The following ME3 variants were observed in gnomAD, a reference collection of about 807,000 sequenced individuals.
ME3 encodes the protein malic enzyme 3.
Under a neutral mutation model 68.9 loss-of-function variants are expected in ME3, and 48 were observed. The ratio of observed to expected loss-of-function variants is 0.70; its 90% CI spans 0.55 to 0.89. The LOEUF is 0.89. ME3 is among the 40% of genes least tolerant of loss of function. ME3 has a pLI of 0.00. For missense variants in ME3, 675 were observed against 797.4 expected, an observed-to-expected ratio of 0.85 and a Z score of 1.85; for synonymous variants, 320 against 318.8, an observed-to-expected ratio of 1.00 and a Z score of -0.04.
chr11:86,645,130 G>A (rs1428766191), intron 2 of ME3, among the ~76,000 whole-genome samples: 2 of 152,200 alleles, frequency 1.3e-5, no homozygotes, highest in Non-Finnish European at 2.9e-5. Flanking sequence ...ACAAAGCCAG[G>A]CAGCCTTTTG....
intron 4 of ME3, among the ~76,000 whole-genome samples, chr11:86,524,376 G>GT (rs912941410): frequency 6.6e-6 from 1 of 152,312 alleles, no homozygotes; most frequent in African/African-American, 2.4e-5. Context: ...CTATCTGCTT[G>GT]TTTTTCCAAA....
At chr11:86,651,325 C>T (rs1945409546) in intron 2 of ME3, among the ~76,000 whole-genome samples, 1 of 152,236 alleles carries the variant, frequency 6.6e-6, no homozygotes, top group African/African-American at 2.4e-5. Flanking sequence ...CCTGAGTAGC[C>T]TAACTGGGAG....
At chr11:86,647,480 A>G (rs7934775) in intron 2 of ME3, among the ~76,000 whole-genome samples, 147,058 of 149,634 alleles carry the variant, frequency 0.98, 72,306 homozygotes, top group Non-Finnish European at 1. Flanking sequence ...GCGAGACTCC[A>G]TCTCAAAAAA....
chr11:86,543,085 T>C (rs899693930), intron 4 of ME3, among the ~76,000 whole-genome samples: 1 of 152,174 alleles, frequency 6.6e-6, no homozygotes, highest in African/African-American at 2.4e-5. Context: ...AATAAAATCC[T>C]TTACAGACAA....
At chr11:86,598,860 G>A (rs1960059362) in intron 2 of ME3, among the ~76,000 whole-genome samples, 1 of 152,178 alleles carries the variant, frequency 6.6e-6, no homozygotes, top group South Asian at 2.1e-4. Flanking sequence ...TGGACCTCTA[G>A]CAAACTCCAA....
At chr11:86,540,467 G>T (rs1010048606) in intron 4 of ME3, among the ~76,000 whole-genome samples, 1 of 152,128 alleles carries the variant, frequency 6.6e-6, no homozygotes, top group Admixed American at 6.5e-5. Flanking sequence ...GTGGATAGGG[G>T]TTTGGTATGA....
chr11:86,548,052 C>T (rs1451678461), intron 4 of ME3, among the ~76,000 whole-genome samples: 1 of 152,246 alleles, frequency 6.6e-6, no homozygotes, highest in African/African-American at 2.4e-5. Flanking sequence ...GGGGGCTGCT[C>T]AGCCATTGCC....
intron 4 of ME3, among the ~76,000 whole-genome samples, chr11:86,525,414 TA>T (rs935849526): frequency 1.3e-5 from 2 of 151,364 alleles, no homozygotes; most frequent in South Asian, 2.1e-4. Context: ...AGGAAACCAT[TA>T]AAAAAATGGC....
intron 2 of ME3, among the ~76,000 whole-genome samples, chr11:86,637,000 T>A (rs1292429339): frequency 2.6e-5 from 4 of 152,234 alleles, no homozygotes. Context: ...ACAAGTGCGT[T>A]AAGAATCTGT....
chr11:86,628,294 C>T (rs1245078078), intron 2 of ME3, among the ~76,000 whole-genome samples: 1 of 152,224 alleles, frequency 6.6e-6, no homozygotes, highest in Non-Finnish European at 1.5e-5. Context: ...CAGCCTCCTC[C>T]CAATACTTCG....
At chr11:86,671,877 G>C (rs780803128) in exon 2 of ME3, 1 of 1,557,286 alleles carries the variant, frequency 6.4e-7, no homozygotes, top group South Asian at 1.2e-5. Flanking sequence ...TGTCCAGCGC[G>C]GGAGGGCGCC....
chr11:86,509,753 T>A (rs1405258437), intron 4 of ME3, among the ~76,000 whole-genome samples: 3 of 71,474 alleles, frequency 4.2e-5, no homozygotes, highest in Non-Finnish European at 8.2e-5. Flanking sequence ...ACAGGGGGAT[T>A]GGCAAAAAAA....
intron 2 of ME3, among the ~76,000 whole-genome samples, chr11:86,584,677 A>G (rs1945138): frequency 0.51 from 78,014 of 152,056 alleles, 21,414 homozygotes; most frequent in East Asian, 0.74. Context: ...TATGCTAAAC[A>G]CAATGAGCCA....
At chr11:86,589,807 A>G (rs1293057595) in intron 2 of ME3, among the ~76,000 whole-genome samples, 1 of 152,216 alleles carries the variant, frequency 6.6e-6, no homozygotes, top group Non-Finnish European at 1.5e-5. Context: ...AATGACATAA[A>G]TAAGGGATCT....
intron 2 of ME3, among the ~76,000 whole-genome samples, chr11:86,629,377 C>G (rs79073863): frequency 1.4e-5 from 2 of 147,926 alleles, no homozygotes; most frequent in African/African-American, 5.0e-5. Context: ...ACTTAAAAAA[C>G]CCGTTCTTAA....
rs1163128094 is a variant in ME3 at position 86,471,141 on chromosome 11, C to CTTTT, written c.810-5945_810-5942dup. Reference sequence around the variant, plus strand: ...CCTACTTAAACTGTAAGGCCCAGAGCTTTTTTTTTTTTTTTTTTTTTTTTT... The same window carrying CTTTT: ...CCTACTTAAACTGTAAGGCCCAGAGCTTTTTTTTTTTTTTTTTTTTTTTTTTTTT... On this transcript the variant is annotated intron_variant, in intron 7 of 14. Coordinates refer to ENST00000543262, the Ensembl canonical transcript of ME3. 4.4e-4 allele frequency among the ~76,000 whole-genome samples: 33 copies of CTTTT among 75,030 alleles called. 3 individuals carry two copies. The highest frequency in any genetic ancestry group is 1.1e-3 in the South Asian group (2 of 1,832). The allele number at this position is 75,030 out of a possible 152,430, so 49.2% of individuals were successfully genotyped here. A position where few individuals can be genotyped will look rare whatever the true frequency, so the allele number is the denominator to read the frequency against.
At chr11:86,672,159 C>T (rs1177477487) in intron 1 of ME3, 165 bp downstream of exon 1, 1 of 467,628 alleles carries the variant, frequency 2.1e-6, no homozygotes. Context: ...TAGCCAAGAG[C>T]CAGGCAAAGC....
intron 2 of ME3, among the ~76,000 whole-genome samples, chr11:86,605,812 G>T: frequency 6.6e-6 from 1 of 151,616 alleles, no homozygotes; most frequent in East Asian, 1.9e-4. Context: ...GAGGGTTAGA[G>T]CTCAAACCCA....
chr11:86,559,928 T>C (rs567581274), intron 2 of ME3, 105 bp from the exon 3 acceptor site: 21 of 1,248,404 alleles, frequency 1.7e-5, no homozygotes, highest in African/African-American at 6.0e-5. Flanking sequence ...TGTGACTCAG[T>C]AGAAAGGGCC....
Sources: allele counts gnomAD v4.1 joint callset (sites outside exome capture counted in the v4.1 genomes callset), GRCh38; gene constraint gnomAD v4.1.1; transcripts MANE v1.5; gene names NCBI Gene and HGNC (gene_info 2026-07-23, HGNC 2026-07-21).